Variants in KCNH5 observed in about 807,000 individuals in gnomAD.
KCNH5 encodes potassium voltage-gated channel subfamily H member 5.
Under a neutral mutation model 96.1 loss-of-function variants are expected in KCNH5, and 46 were observed. The ratio of observed to expected loss-of-function variants is 0.48; its 90% CI spans 0.38 to 0.61. The LOEUF is 0.61. Ranked by LOEUF, KCNH5 falls within the 20% of genes least tolerant of loss-of-function variation. The pLI, the probability that KCNH5 is intolerant of heterozygous loss-of-function variation, is 0.00. For synonymous variants in KCNH5, 439 were observed against 449.8 expected (o/e 0.98, Z 0.30); for missense variants, 907 against 1,225.8 (o/e 0.74, Z 3.88).
intron 10 of KCNH5, among the ~76,000 whole-genome samples, chr14:62,760,477 G>A (rs1885724103): frequency 6.6e-6 from 1 of 152,174 alleles, no homozygotes; most frequent in South Asian, 2.1e-4. Flanking sequence ...AGCAATTTTA[G>A]CTTTTACTTG....
At chr14:63,003,909 C>T (rs1219387355) in intron 3 of KCNH5, among the ~76,000 whole-genome samples, 1 of 151,826 alleles carries the variant, frequency 6.6e-6, no homozygotes, top group African/African-American at 2.4e-5. Flanking sequence ...TGTCAGCCAC[C>T]GCGCCCGGCC....
intron 7 of KCNH5, among the ~76,000 whole-genome samples, chr14:62,861,060 A>G (rs1022638262): frequency 4.6e-5 from 7 of 152,216 alleles, no homozygotes; most frequent in African/African-American, 1.7e-4. Flanking sequence ...CAAAATCTAT[A>G]GTTACAAAGA....
chr14:62,722,997 C>T (rs1884848152), intron 10 of KCNH5, among the ~76,000 whole-genome samples: 1 of 152,174 alleles, frequency 6.6e-6, no homozygotes, highest in Admixed American at 6.5e-5. Context: ...AAATACACTA[C>T]CCTACTGATC....
At chr14:62,830,822 GA>G (rs1430785582) in intron 8 of KCNH5, among the ~76,000 whole-genome samples, 4 of 151,214 alleles carry the variant, frequency 2.6e-5, no homozygotes. Flanking sequence ...TATATTACCA[GA>G]TTTTTTTTCA....
chr14:62,769,835 C>G (rs977604462), intron 10 of KCNH5, among the ~76,000 whole-genome samples: 4 of 152,104 alleles, frequency 2.6e-5, no homozygotes, highest in African/African-American at 7.2e-5. Context: ...TAAAGTATTA[C>G]AGAAAATACC....
intron 7 of KCNH5, among the ~76,000 whole-genome samples, chr14:62,903,870 A>G (rs1017402914): frequency 1.3e-5 from 2 of 152,056 alleles, no homozygotes; most frequent in African/African-American, 4.8e-5. Context: ...ACTAAAAAGT[A>G]GATCTAATAT....
chr14:62,726,867 GAATA>G (rs2139919471), intron 10 of KCNH5, among the ~76,000 whole-genome samples: 1 of 152,276 alleles, frequency 6.6e-6, no homozygotes, highest in African/African-American at 2.4e-5. Flanking sequence ...ATCAAGGGTA[GAATA>G]AATACATACA....
intron 8 of KCNH5, among the ~76,000 whole-genome samples, chr14:62,819,503 T>C (rs960144400): frequency 2.0e-5 from 3 of 152,088 alleles, no homozygotes; most frequent in Non-Finnish European, 2.9e-5. Context: ...TGGGAATTCT[T>C]TGGGGGATGA....
At chr14:62,815,167 T>A (rs1221885751) in intron 8 of KCNH5, among the ~76,000 whole-genome samples, 11 of 152,176 alleles carry the variant, frequency 7.2e-5, no homozygotes, top group Non-Finnish European at 1.5e-4. Context: ...TAATGTTGAC[T>A]GAAAAAGAGC....
rs34843044 is a variant in KCNH5, at chr14:62,712,201, G to GT, written c.2020-3747dup. 4.1e-3 allele frequency: 632 copies of GT among 154,876 alleles called. 2 individuals carry two copies. The highest frequency in any genetic ancestry group is 0.024 in the Middle Eastern group (7 of 296). 9.6% of individuals were successfully genotyped at this position (154,876 alleles called of 1,614,324 possible). A position where few individuals can be genotyped will look rare whatever the true frequency, so the allele number is the denominator to read the frequency against. On this transcript the variant is annotated intron_variant, in intron 10 of 10. Transcript: ENST00000322893. Reference sequence around the variant, plus strand: ...ATTATATCCAGGTTTTTAAGAGGTAGTTTTTTTTAAAAAAAATACTAGTTT... The same window carrying GT: ...ATTATATCCAGGTTTTTAAGAGGTAGTTTTTTTTTAAAAAAAATACTAGTTT...
At chr14:62,850,973 T>C (rs1207023149) in intron 7 of KCNH5, among the ~76,000 whole-genome samples, 1 of 152,192 alleles carries the variant, frequency 6.6e-6, no homozygotes, top group Non-Finnish European at 1.5e-5. Context: ...TGCAGTTTCA[T>C]CAGCCAAATC....
intron 1 of KCNH5, among the ~76,000 whole-genome samples, chr14:63,026,988 T>C (rs1293194503): frequency 6.6e-6 from 1 of 152,040 alleles, no homozygotes; most frequent in Non-Finnish European, 1.5e-5. Flanking sequence ...GAAAATGTGG[T>C]ATATATGCCT....
In KCNH5 at chr14:63,018,704, G is replaced by T. The variant is rs371600492; in HGVS notation, c.74-1750C>A. ...TAAAATCAAGTCTCTTCATGATCAA[G>T]GTCATCCATCAGTAATTTAACTGCC... On this transcript the variant is annotated intron_variant, in intron 1 of 10. Coordinates refer to ENST00000322893, the MANE Select transcript of KCNH5 (RefSeq NM_139318.5). 4.4e-4 allele frequency among the ~76,000 whole-genome samples: 67 copies of T among 152,110 alleles called. 5 individuals carry two copies. The South Asian group carries it at 5.0e-3, about 11-fold the overall frequency.
intron 6 of KCNH5, among the ~76,000 whole-genome samples, chr14:62,968,496 G>A (rs1594650992): frequency 6.6e-6 from 1 of 152,142 alleles, no homozygotes; most frequent in African/African-American, 2.4e-5. Context: ...CATCTGACTG[G>A]AGGATTATTT....
chr14:62,872,638 A>C (rs1315253420), intron 7 of KCNH5, among the ~76,000 whole-genome samples: 3 of 152,176 alleles, frequency 2.0e-5, no homozygotes, highest in Non-Finnish European at 4.4e-5. Flanking sequence ...GGTTGCAGTG[A>C]GCAGATACCA....
At chr14:62,855,912 T>C (rs1166257782) in intron 7 of KCNH5, among the ~76,000 whole-genome samples, 1 of 152,136 alleles carries the variant, frequency 6.6e-6, no homozygotes, top group Non-Finnish European at 1.5e-5. Flanking sequence ...TACCAACCTC[T>C]GGGAACACAA....
chr14:62,853,849 A>C (rs1041241941), intron 7 of KCNH5, among the ~76,000 whole-genome samples: 2 of 151,788 alleles, frequency 1.3e-5, no homozygotes, highest in Non-Finnish European at 1.5e-5. Context: ...TCTACTAAAA[A>C]TACAAAAATT....
chr14:62,783,827 AAATAAATGAAG>A (rs145410708), intron 9 of KCNH5, among the ~76,000 whole-genome samples: 48,192 of 151,784 alleles, frequency 0.32, 8,269 homozygotes, highest in South Asian at 0.54. Context: ...GTTAATTAAG[AAATAAATGAAG>A]AATAATATGA....
At chr14:62,755,830 C>G (rs1566650313) in intron 10 of KCNH5, among the ~76,000 whole-genome samples, 1 of 152,100 alleles carries the variant, frequency 6.6e-6, no homozygotes, top group Non-Finnish European at 1.5e-5. Context: ...TGTGATAAAT[C>G]ATACCAACAC....
Sources: allele counts gnomAD v4.1 joint callset (sites outside exome capture counted in the v4.1 genomes callset), GRCh38; gene constraint gnomAD v4.1.1; transcripts MANE v1.5; gene names NCBI Gene and HGNC (gene_info 2026-07-23, HGNC 2026-07-21).